The following RIC1 variants were observed in gnomAD, a reference collection of about 807,000 sequenced individuals.
RIC1 encodes RIC1 partner of RAB6A GEF complex, also known as guanine nucleotide exchange factor subunit RIC1.
Under a neutral mutation model 169.0 loss-of-function variants are expected in RIC1, and 88 were observed. The ratio of observed to expected loss-of-function variants is 0.52; its 90% CI spans 0.44 to 0.62. The LOEUF (loss-of-function observed/expected upper bound fraction) is 0.62. RIC1 is among the 20% of genes least tolerant of loss of function. The pLI, the probability that RIC1 is intolerant of heterozygous loss-of-function variation, is 0.00. For missense variants in RIC1, 1,877 were observed against 1,725.5 expected, an observed-to-expected ratio of 1.09 and a Z score of -1.56; for synonymous variants, 790 against 601.5, an observed-to-expected ratio of 1.31 and a Z score of -4.59.
In RIC1 at chr9:5,774,223, A is replaced by C; in HGVS notation, c.4249A>C (p.Thr1417Pro). ...GGAGGAAGAACCTTTTCAGGATGGG[A>C]CTTACGACTGTTCTGTGTCCTAACA... Reference protein sequence around the residue: ...AEEEEPFQDGTYDCSVS With the variant: ...AEEEEPFQDGPYDCSVS The change falls in exon 26 of 26, where the codon ACT becomes CCT. Residue 1417 changes from threonine to proline, a missense_variant. By Grantham distance (38) the Thr-to-Pro change is conservative. Coordinates refer to ENST00000414202, the MANE Select transcript of RIC1 (RefSeq NM_020829.4). 6.2e-7 allele frequency: 1 copy of C among 1,611,712 alleles called. No homozygotes were observed. The highest frequency in any genetic ancestry group is 8.5e-7 in the Non-Finnish European group (1 of 1,178,778).
At chr9:5,724,217 T>A (rs1823806386) in intron 6 of RIC1, among the ~76,000 whole-genome samples, 1 of 152,244 alleles carries the variant, frequency 6.6e-6, no homozygotes, top group Non-Finnish European at 1.5e-5. Context: ...CATTTGTTTG[T>A]GTCCTCTTTT....
chr9:5,713,696 G>A (rs930524220), intron 3 of RIC1, 200 bp from the exon 4 acceptor site: 27 of 348,560 alleles, frequency 7.7e-5, no homozygotes, highest in Non-Finnish European at 1.4e-4. Flanking sequence ...AAATTACATT[G>A]GTCAAACATT....
At chr9:5,741,883 C>A (rs971074000) in intron 8 of RIC1, among the ~76,000 whole-genome samples, 3 of 152,072 alleles carry the variant, frequency 2.0e-5, no homozygotes, top group Non-Finnish European at 4.4e-5. Context: ...GTGTGTGTAG[C>A]GCTTTGAGAA....
At chr9:5,682,973 G>A (rs1398309115) in intron 2 of RIC1, among the ~76,000 whole-genome samples, 5 of 152,206 alleles carry the variant, frequency 3.3e-5, no homozygotes, top group East Asian at 1.9e-4. Flanking sequence ...TGAGGCTTGC[G>A]CATTCGTCAC....
intron 1 of RIC1, among the ~76,000 whole-genome samples, chr9:5,649,855 A>G (rs1818708551): frequency 6.6e-6 from 1 of 151,766 alleles, no homozygotes; most frequent in Non-Finnish European, 1.5e-5. Context: ...TTTTTCCTGA[A>G]GATCTATCCG....
intron 1 of RIC1, among the ~76,000 whole-genome samples, chr9:5,630,270 C>G (rs1586847975): frequency 6.6e-6 from 1 of 152,206 alleles, no homozygotes; most frequent in Non-Finnish European, 1.5e-5. Flanking sequence ...ACTCCCTACT[C>G]TCTGCAAACA....
intron 3 of RIC1, among the ~76,000 whole-genome samples, chr9:5,705,832 TTGAG>T (rs1038163196): frequency 9.0e-4 from 137 of 152,350 alleles, no homozygotes; most frequent in African/African-American, 3.0e-3. Context: ...TCCTCATTTG[TTGAG>T]TGTTTTTATC....
intron 13 of RIC1, 74 bp from the exon 14 acceptor site, chr9:5,753,462 C>A (rs1337593654): frequency 6.4e-6 from 6 of 932,170 alleles, no homozygotes; most frequent in Non-Finnish European, 1.0e-5. Context: ...TTGCCTGACA[C>A]AATACTAAGC....
chr9:5,657,562 AT>A (rs1177107809), intron 2 of RIC1, among the ~76,000 whole-genome samples: 1 of 152,134 alleles, frequency 6.6e-6, no homozygotes, highest in Non-Finnish European at 1.5e-5. Flanking sequence ...CGTAGTGTAT[AT>A]TAGAGAGATA....
intron 6 of RIC1, among the ~76,000 whole-genome samples, chr9:5,721,809 A>C (rs1311143737): frequency 8.6e-5 from 13 of 151,468 alleles, no homozygotes; most frequent in Admixed American, 8.5e-4. Flanking sequence ...CTCTTACTCA[A>C]CCCAAACTGT....
chr9:5,693,745 A>G (rs936310554), intron 3 of RIC1, among the ~76,000 whole-genome samples: 3 of 152,266 alleles, frequency 2.0e-5, no homozygotes, highest in Non-Finnish European at 2.9e-5. Flanking sequence ...TAAATTGCAC[A>G]TCATGTTTAA....
intron 1 of RIC1, among the ~76,000 whole-genome samples, chr9:5,646,229 T>A (rs1748909897): frequency 6.6e-6 from 1 of 152,186 alleles, no homozygotes; most frequent in Non-Finnish European, 1.5e-5. Flanking sequence ...TCTTTGAAAG[T>A]GTCCGTTGAA....
chr9:5,649,140 GAAAA>G (rs201886296), intron 1 of RIC1, among the ~76,000 whole-genome samples: 1 of 147,602 alleles, frequency 6.8e-6, no homozygotes, highest in Non-Finnish European at 1.5e-5. Context: ...TCTTAAAAAA[GAAAA>G]AAAAAATTAA....
At chr9:5,772,535 G>A (rs368306879) in intron 23 of RIC1, 29 bp from the exon 24 acceptor site, 8 of 1,533,794 alleles carry the variant, frequency 5.2e-6, no homozygotes, top group Admixed American at 2.2e-5. Flanking sequence ...CCACGAAGTT[G>A]GTTGTAACTT....
intron 1 of RIC1, among the ~76,000 whole-genome samples, chr9:5,641,661 A>G (rs919662620): frequency 6.9e-5 from 8 of 115,252 alleles, no homozygotes; most frequent in Admixed American, 3.2e-4. Context: ...CCTGTCTCCA[A>G]GCCCACTAAT....
At chr9:5,657,003 T>A (rs1819141137) in intron 2 of RIC1, among the ~76,000 whole-genome samples, 1 of 152,098 alleles carries the variant, frequency 6.6e-6, no homozygotes, top group African/African-American at 2.4e-5. Context: ...TGCGTGTTAC[T>A]CCTACTATAG....
intron 2 of RIC1, among the ~76,000 whole-genome samples, chr9:5,682,608 A>C (rs1820924746): frequency 6.6e-6 from 1 of 151,726 alleles, no homozygotes; most frequent in Non-Finnish European, 1.5e-5. Flanking sequence ...CCTTCATTTC[A>C]ACTTTGCTGA....
chr9:5,663,409 A>G (rs956947558), intron 2 of RIC1, among the ~76,000 whole-genome samples: 2 of 152,086 alleles, frequency 1.3e-5, no homozygotes, highest in Admixed American at 6.5e-5. Flanking sequence ...GATCTGCCTA[A>G]TATTGTCAAT....
intron 8 of RIC1, among the ~76,000 whole-genome samples, chr9:5,739,933 G>A (rs1320034741): frequency 6.6e-6 from 1 of 152,182 alleles, no homozygotes; most frequent in Non-Finnish European, 1.5e-5. Context: ...TTTTGTTGCA[G>A]ATCAGCCACT....
Sources: gnomAD v4.1 joint callset for allele counts (sites outside exome capture counted in the v4.1 genomes callset) on GRCh38, gnomAD v4.1.1 for gene constraint, MANE v1.5 for transcripts, NCBI Gene and HGNC (gene_info 2026-07-23, HGNC 2026-07-21) for gene names.